The following DDX10 variants were observed in gnomAD, a reference collection of about 807,000 sequenced individuals.
DDX10 encodes the protein probable ATP-dependent RNA helicase DDX10.
A neutral mutation model predicts 104.3 loss-of-function variants in DDX10; 74 were observed. The observed-to-expected ratio is 0.71, with a 90% CI of 0.59 to 0.86. The LOEUF is 0.86. Ranked by LOEUF, DDX10 falls within the 40% of genes least tolerant of loss-of-function variation. The pLI, the probability that DDX10 is intolerant of heterozygous loss-of-function variation, is 0.00. For synonymous variants in DDX10, 351 were observed against 353.4 expected, an observed-to-expected ratio of 0.99 and a Z score of 0.08; for missense variants, 952 against 1,040.0, an observed-to-expected ratio of 0.92 and a Z score of 1.16.
At chr11:108,785,337 G>A (rs71489922) in intron 13 of DDX10, among the ~76,000 whole-genome samples, 20,939 of 152,098 alleles carry the variant, frequency 0.14, 1,577 homozygotes, top group East Asian at 0.24. Flanking sequence ...CTGGTATTTC[G>A]TTGAGGATTT....
intron 13 of DDX10, among the ~76,000 whole-genome samples, chr11:108,809,542 C>T (rs1862149017): frequency 6.6e-6 from 1 of 152,114 alleles, no homozygotes; most frequent in African/African-American, 2.4e-5. Flanking sequence ...GGAGTGAATA[C>T]CAATAAAGGT....
intron 13 of DDX10, among the ~76,000 whole-genome samples, chr11:108,747,298 T>A (rs1355025569): frequency 6.6e-6 from 1 of 152,182 alleles, no homozygotes; most frequent in Non-Finnish European, 1.5e-5. Flanking sequence ...ATAGGTGTCC[T>A]ACAACATGCT....
intron 13 of DDX10, among the ~76,000 whole-genome samples, chr11:108,761,519 T>C (rs2094350857): frequency 6.6e-6 from 1 of 152,092 alleles, no homozygotes; most frequent in Non-Finnish European, 1.5e-5. Flanking sequence ...ACTTCTGGCT[T>C]GGTGAGACAG....
At chr11:108,917,501 A>C (rs1239518863) in intron 16 of DDX10, among the ~76,000 whole-genome samples, 1 of 152,134 alleles carries the variant, frequency 6.6e-6, no homozygotes, top group Non-Finnish European at 1.5e-5. Flanking sequence ...TCCTGGGCTC[A>C]AGCAATTCCC....
intron 6 of DDX10, among the ~76,000 whole-genome samples, chr11:108,683,127 C>G (rs962810728): frequency 1.1e-4 from 16 of 152,274 alleles, no homozygotes; most frequent in Middle Eastern, 3.4e-3. Context: ...TTCTCAGGGT[C>G]TCAACCAAAA....
At chr11:108,686,743 CTT>C (rs1251378392) in intron 6 of DDX10, among the ~76,000 whole-genome samples, 1 of 152,128 alleles carries the variant, frequency 6.6e-6, no homozygotes, top group Non-Finnish European at 1.5e-5. Flanking sequence ...GTTTTCAACT[CTT>C]TTTGGTAAAT....
chr11:108,851,951 G>A (rs1862798380), intron 15 of DDX10, among the ~76,000 whole-genome samples: 1 of 152,076 alleles, frequency 6.6e-6, no homozygotes, highest in African/African-American at 2.4e-5. Flanking sequence ...TATAGAACTG[G>A]GATTTGATTC....
intron 9 of DDX10, among the ~76,000 whole-genome samples, chr11:108,706,208 G>A (rs1276207707): frequency 1.3e-5 from 2 of 152,108 alleles, no homozygotes; most frequent in African/African-American, 4.8e-5. Flanking sequence ...CTGACCTCGG[G>A]TTATTCACCC....
At chr11:108,673,806 C>T (rs991891006) in intron 2 of DDX10, among the ~76,000 whole-genome samples, 4 of 152,152 alleles carry the variant, frequency 2.6e-5, no homozygotes, top group Non-Finnish European at 4.4e-5. Flanking sequence ...ATGCAACACC[C>T]TTTGTATCTG....
chr11:108,803,903 A>G (rs1246222090), intron 13 of DDX10, among the ~76,000 whole-genome samples: 1 of 152,200 alleles, frequency 6.6e-6, no homozygotes, highest in African/African-American at 2.4e-5. Flanking sequence ...TATGAGGGTT[A>G]CATGAAACAA....
intron 9 of DDX10, among the ~76,000 whole-genome samples, chr11:108,697,113 G>T (rs2094260940): frequency 6.6e-6 from 1 of 152,012 alleles, no homozygotes; most frequent in African/African-American, 2.4e-5. Context: ...TTTTAGTATG[G>T]TCGTTAACTT....
chr11:108,678,895 T>TTTA (rs1565243748), intron 5 of DDX10, among the ~76,000 whole-genome samples: 4 of 133,674 alleles, frequency 3.0e-5, no homozygotes, highest in Non-Finnish European at 6.4e-5. Context: ...TTTTTTTTTT[T>TTTA]TATACAGAGT....
At chr11:108,857,092 T>G (rs1478013136) in intron 16 of DDX10, among the ~76,000 whole-genome samples, 2 of 152,232 alleles carry the variant, frequency 1.3e-5, no homozygotes, top group African/African-American at 4.8e-5. Context: ...TGTCATAGCT[T>G]CTTTGGTGGC....
At chr11:108,709,411 C>T (rs61914003) in intron 10 of DDX10, among the ~76,000 whole-genome samples, 18,705 of 152,194 alleles carry the variant, frequency 0.12, 1,564 homozygotes, top group East Asian at 0.27. Flanking sequence ...CGAGCCCATC[C>T]GGGCTTGGTG....
intron 13 of DDX10, among the ~76,000 whole-genome samples, chr11:108,829,880 G>C (rs761187854): frequency 6.6e-6 from 1 of 151,938 alleles, no homozygotes; most frequent in Non-Finnish European, 1.5e-5. Flanking sequence ...GTAAGCACTT[G>C]GCTTTATTTC....
At chr11:108,793,603 T>G (rs1861899972) in intron 13 of DDX10, among the ~76,000 whole-genome samples, 1 of 152,222 alleles carries the variant, frequency 6.6e-6, no homozygotes, top group South Asian at 2.1e-4. Context: ...CAACTGTGAA[T>G]TGCTTTTATA....
At chr11:108,794,429 A>G (rs1861911792) in intron 13 of DDX10, among the ~76,000 whole-genome samples, 1 of 152,162 alleles carries the variant, frequency 6.6e-6, no homozygotes, top group Non-Finnish European at 1.5e-5. Context: ...TTGACTAGAA[A>G]TAGCAACAGC....
At chr11:108,897,735 T>C (rs1483571728) in intron 16 of DDX10, among the ~76,000 whole-genome samples, 1 of 152,106 alleles carries the variant, frequency 6.6e-6, no homozygotes. Context: ...CACTAATATA[T>C]GTCTTTCTTT....
chr11:108,823,205 G>A (rs1207775171), intron 13 of DDX10, among the ~76,000 whole-genome samples: 9 of 152,142 alleles, frequency 5.9e-5, no homozygotes. Context: ...AATAATATTG[G>A]ACATCATCCT....
Sources: gnomAD v4.1 joint callset for allele counts (sites outside exome capture counted in the v4.1 genomes callset) on GRCh38, gnomAD v4.1.1 for gene constraint, MANE v1.5 for transcripts, NCBI Gene and HGNC (gene_info 2026-07-23, HGNC 2026-07-21) for gene names.